The following RGSL1 variants were observed in gnomAD, a reference collection of about 807,000 sequenced individuals.
The protein encoded by RGSL1 is regulator of G protein signaling like 1, also known as regulator of G protein signaling protein-like.
Under a neutral mutation model 124.7 loss-of-function variants are expected in RGSL1, and 97 were observed. That is an observed-to-expected ratio of 0.78 (90% CI 0.66 to 0.92). The LOEUF is 0.92. RGSL1 is among the 40% of genes least tolerant of loss of function. The probability of loss-of-function intolerance (pLI) is 0.00; values close to 1 mark genes in which losing one functional copy is unlikely to be tolerated. For synonymous variants in RGSL1, 424 were observed against 438.1 expected, an observed-to-expected ratio of 0.97 and a Z score of 0.40; for missense variants, 1,233 against 1,288.4, an observed-to-expected ratio of 0.96 and a Z score of 0.66.
chr1:182,553,417 C>T (rs266544), intron 18 of RGSL1, 38 bp from the exon 19 acceptor site: 442,122 of 1,467,416 alleles, frequency 0.3, 69,324 homozygotes, highest in Middle Eastern at 0.33. Flanking sequence ...TAGGAGTTGT[C>T]GCAGGTGTTT....
chr1:182,497,224 TAGAA>T (rs539032008), intron 9 of RGSL1, among the ~76,000 whole-genome samples: 6,203 of 148,402 alleles, frequency 0.042, 330 homozygotes, highest in African/African-American at 0.13. Context: ...GAAAAAGAGA[TAGAA>T]AGATAGATAG....
At position 182,530,515 on chromosome 1, in the gene RGSL1, CCTAT is replaced by C. The variant is rs549399586; in HGVS notation, c.2243+161_2243+164del. On this transcript the variant is annotated intron_variant, in intron 12 of 21. Coordinates refer to ENST00000294854, the MANE Select transcript of RGSL1 (RefSeq NM_001137669.2). ...TTCAAACTTATCTTGAACTTTCCTA[CCTAT>C]CTATCTGACACACACACATACACAC... is the stretch of plus-strand genomic sequence containing the variant. Among the ~76,000 whole-genome samples, 736 of 131,030 alleles carry C rather than the reference CCTAT, an allele frequency of 5.6e-3. 8 individuals carry two copies. Among genetic ancestry groups the C allele is most frequent in the African/African-American group, 0.021 (692 of 33,416 alleles). The allele number at this position is 131,030 out of a possible 152,430, so 86.0% of individuals were successfully genotyped here.
rs1216134028 is a variant in RGSL1 at position 182,553,624 on chromosome 1, T to A, written c.3130+83T>A. On this transcript the variant is annotated intron_variant, in intron 19 of 21. Coordinates refer to ENST00000294854, the MANE Select transcript of RGSL1 (RefSeq NM_001137669.2). ...AAACCAGCTTGGCCAATCCCCTTAT[T>A]GACAATAAGGAGACTGAGACCCCCA... is the stretch of plus-strand genomic sequence containing the variant. The A allele has an allele frequency of 3.3e-6, 4 of 1,202,672 alleles. No individual in the cohort carries two copies. In the East Asian group the frequency reaches 1.0e-4, roughly 31 times the overall value. The allele number at this position is 1,202,672 out of a possible 1,614,324, so 74.5% of individuals were successfully genotyped here. A position where few individuals can be genotyped will look rare whatever the true frequency, so the allele number is the denominator to read the frequency against.
intron 9 of RGSL1, among the ~76,000 whole-genome samples, chr1:182,500,043 A>AT (rs1366734660): frequency 2.6e-5 from 4 of 151,946 alleles, no homozygotes; most frequent in Non-Finnish European, 5.9e-5. Flanking sequence ...GTTTTCTTTC[A>AT]TTTTTTGCTC....
chr1:182,479,649 ATTACT>A (rs1654547377), intron 6 of RGSL1, among the ~76,000 whole-genome samples: 1 of 152,208 alleles, frequency 6.6e-6, no homozygotes, highest in African/African-American at 2.4e-5. Flanking sequence ...CCTAACGATA[ATTACT>A]TTAAATGTAA....
At chr1:182,450,208 C>G in intron 1 of RGSL1, 30 bp downstream of exon 1, 1 of 1,551,828 alleles carries the variant, frequency 6.4e-7, no homozygotes, top group Non-Finnish European at 8.7e-7. Context: ...GTCTCCAAGG[C>G]CTTGAGTCTC....
intron 9 of RGSL1, among the ~76,000 whole-genome samples, chr1:182,494,547 T>C (rs1244705474): frequency 3.3e-5 from 5 of 152,244 alleles, no homozygotes; most frequent in African/African-American, 1.2e-4. Flanking sequence ...GCTCACATTA[T>C]ATTTTTATTG....
intron 10 of RGSL1, among the ~76,000 whole-genome samples, chr1:182,524,908 G>A (rs756668388): frequency 5.3e-5 from 8 of 152,200 alleles, no homozygotes; most frequent in African/African-American, 7.2e-5. Context: ...CAAATGCTGT[G>A]CAGATGCTCA....
In RGSL1 at chr1:182,489,036, A is replaced by G; in HGVS notation, c.1551A>G (p.Glu517=). 6.4e-7 allele frequency: 1 copy of G among 1,551,670 alleles called. No individual in the cohort carries two copies. The highest frequency in any genetic ancestry group is 8.7e-7 in the Non-Finnish European group (1 of 1,147,004). The part of the protein sequence containing the change: ...RQHKREFIGK[E]ENILLYKRIQ... ...ATAAAAGAGAATTTATAGGCAAAGA[A>G]GAGAACATTCTTCTTTATAAGAGGA... The change falls in exon 8 of 22, where the codon GAA becomes GAG. Residue 517 remains glutamate (E), a synonymous_variant. Coordinates refer to ENST00000294854, the MANE Select transcript of RGSL1 (RefSeq NM_001137669.2).
intron 15 of RGSL1, among the ~76,000 whole-genome samples, chr1:182,545,710 G>GTTTT (rs1491177825): frequency 6.6e-6 from 1 of 151,982 alleles, no homozygotes. Flanking sequence ...GTTTTGTTTT[G>GTTTT]GTTTGGTTTT....
At chr1:182,549,215 A>G (rs1660413023) in intron 17 of RGSL1, 1 of 184,290 alleles carries the variant, frequency 5.4e-6, no homozygotes, top group South Asian at 1.2e-4. Context: ...GAAGAAAGTA[A>G]GCCAGAAGTG....
At chr1:182,553,613 A>C in intron 19 of RGSL1, 72 bp downstream of exon 19, 1 of 1,330,940 alleles carries the variant, frequency 7.5e-7, no homozygotes, top group Non-Finnish European at 1.1e-6. Flanking sequence ...CAGCTTGGCC[A>C]ATCCCCTTAT....
intron 13 of RGSL1, 58 bp from the exon 14 acceptor site, chr1:182,532,603 AC>A: frequency 1.3e-6 from 2 of 1,516,926 alleles, no homozygotes; most frequent in Non-Finnish European, 1.8e-6. Context: ...CACACAGTAG[AC>A]TCTCGGTGAA....
At chr1:182,536,856 C>T (rs1454636790) in intron 14 of RGSL1, among the ~76,000 whole-genome samples, 1 of 152,140 alleles carries the variant, frequency 6.6e-6, no homozygotes, top group Non-Finnish European at 1.5e-5. Flanking sequence ...TCAATTATCT[C>T]CCACCAGGTT....
At chr1:182,540,578 A>T (rs1048455631) in intron 15 of RGSL1, among the ~76,000 whole-genome samples, 157 bp downstream of exon 15, 3 of 152,110 alleles carry the variant, frequency 2.0e-5, no homozygotes, top group Non-Finnish European at 4.4e-5. Context: ...GCTGCCACTC[A>T]ATTGATTTCC....
Position 182,540,228 on chromosome 1 carries a change from C to T in RGSL1, c.2495-19C>T. 6.6e-7 allele frequency: 1 copy of T among 1,525,300 alleles called. No individual in the cohort carries two copies. 94.5% of individuals were successfully genotyped at this position (1,525,300 alleles called of 1,614,324 possible). Reference sequence around the variant, plus strand: ...ACTTGATCAAACAAAATTGTAATTCCTTCTTCTTTCTCTCTCAGATTTCAC... The same window carrying T: ...ACTTGATCAAACAAAATTGTAATTCTTTCTTCTTTCTCTCTCAGATTTCAC... On this transcript the variant is annotated intron_variant, in intron 14 of 21. Transcript: ENST00000294854.
rs796358514 is a variant in RGSL1 at position 182,509,540 on chromosome 1, G to A, written c.1826-12464G>A. On this transcript the variant is annotated intron_variant, in intron 9 of 21. Coordinates refer to ENST00000294854, the MANE Select transcript of RGSL1 (RefSeq NM_001137669.2). Reference sequence around the variant, plus strand: ...ACGGGGCAGCTGGCCGGGTGGGGGGGCTGACGCCCCCATCTCCCTCCCGGA... The same window carrying A: ...ACGGGGCAGCTGGCCGGGTGGGGGGACTGACGCCCCCATCTCCCTCCCGGA... 3.7e-5 allele frequency among the ~76,000 whole-genome samples: 4 copies of A among 107,030 alleles called. No homozygotes were observed. The East Asian group carries it at 1.1e-3, about 28-fold the overall frequency. 70.2% of individuals were successfully genotyped at this position (107,030 alleles called of 152,430 possible).
chr1:182,461,833 A>G (rs912833724), intron 4 of RGSL1, among the ~76,000 whole-genome samples: 8 of 152,214 alleles, frequency 5.3e-5, no homozygotes, highest in African/African-American at 1.4e-4. Flanking sequence ...AAGTTTAAAG[A>G]AAACTGAACA....
intron 7 of RGSL1, 64 bp downstream of exon 7, chr1:182,488,411 G>C: frequency 7.4e-7 from 1 of 1,358,478 alleles, no homozygotes; most frequent in Non-Finnish European, 1.0e-6. Context: ...AGTAATTACT[G>C]TTTTAAAAGG....
Sources: allele counts gnomAD v4.1 joint callset (sites outside exome capture counted in the v4.1 genomes callset), GRCh38; gene constraint gnomAD v4.1.1; transcripts MANE v1.5; gene names NCBI Gene and HGNC (gene_info 2026-07-23, HGNC 2026-07-21).